Variants in CD96 observed in about 807,000 individuals in gnomAD.
The protein encoded by CD96 is CD96 molecule, also known as T-cell surface protein tactile.
Under a neutral mutation model 71.3 loss-of-function variants are expected in CD96, and 70 were observed. That is an observed-to-expected ratio of 0.98 (90% CI 0.81 to 1.20). The LOEUF (loss-of-function observed/expected upper bound fraction) is 1.20. Among genes scored for constraint, CD96 ranks in the 50% most tolerant of loss-of-function variants. The pLI, the probability that CD96 is intolerant of heterozygous loss-of-function variation, is 0.00. For synonymous variants in CD96, 248 were observed against 233.0 expected (o/e 1.06, Z -0.59); for missense variants, 742 against 677.5 (o/e 1.10, Z -1.06).
At position 111,606,898 on chromosome 3, in the gene CD96, T is replaced by C. The variant is rs1207286221; in HGVS notation, c.1180+106T>C. The stretch of plus-strand genomic sequence containing the variant: ...ATGCCTGTTTCTTAGCTATGACTTT[T>C]TTGGGGCTGAAATTGGGTTTTATTT... On this transcript the variant is annotated intron_variant, in intron 8 of 13. Coordinates refer to ENST00000352690, the MANE Select transcript of CD96 (RefSeq NM_005816.5). 5.2e-6 allele frequency: 4 copies of C among 766,918 alleles called. No individual in the cohort carries two copies. The African/African-American group carries it at 6.9e-5, about 13-fold the overall frequency. 47.5% of individuals were successfully genotyped at this position (766,918 alleles called of 1,614,324 possible).
downstream of CD96, among the ~76,000 whole-genome samples, chr3:111,654,829 T>G (rs1940189923): frequency 6.6e-6 from 1 of 152,222 alleles, no homozygotes; most frequent in South Asian, 2.1e-4. Flanking sequence ...GCTACAGCAT[T>G]ATGCCATTCA....
intron 13 of CD96, among the ~76,000 whole-genome samples, chr3:111,648,779 G>T (rs1222728982): frequency 6.6e-6 from 1 of 152,144 alleles, no homozygotes; most frequent in Non-Finnish European, 1.5e-5. Context: ...CTCCTAAGAT[G>T]CTATGGATTG....
In CD96 at chr3:111,600,725, G is replaced by T; in HGVS notation, c.899-1G>T. 6.2e-7 allele frequency: 1 copy of T among 1,605,980 alleles called. No homozygotes were observed. The highest frequency in any genetic ancestry group is 8.5e-7 in the Non-Finnish European group (1 of 1,172,672). Reference sequence around the variant, plus strand: ...GAACCATGTTCGTATCTGTCTGGCAGGAATATATATTACTAATGAAGAGAG... The same window carrying T: ...GAACCATGTTCGTATCTGTCTGGCATGAATATATATTACTAATGAAGAGAG... On this transcript the variant is annotated splice_acceptor_variant, in intron 6 of 13. Transcript: ENST00000352690. LOFTEE classifies it high-confidence loss of function.
chr3:111,662,076 C>T (rs189839717), intron 14 of CD96, among the ~76,000 whole-genome samples: 23 of 152,364 alleles, frequency 1.5e-4, no homozygotes, highest in South Asian at 6.2e-4. Flanking sequence ...TTACCTTCTA[C>T]GCACCTGCAG....
Position 111,637,279 on chromosome 3 carries a change from AT to A in CD96, c.1387+21del. 7.3e-7 allele frequency: 1 copy of A among 1,374,268 alleles called. No individual in the cohort carries two copies. The highest frequency in any genetic ancestry group is 1.2e-5 in the South Asian group (1 of 86,402). The allele number at this position is 1,374,268 out of a possible 1,614,324, so 85.1% of individuals were successfully genotyped here. ...ACTTCATGGTGAGTACTTGGGGAAG[AT>A]TTAGGGACACTGAAGCTAGTGGTCA... On this transcript the variant is annotated intron_variant, in intron 11 of 13. Transcript: ENST00000352690.
At chr3:111,616,808 C>G (rs1345891630) in intron 8 of CD96, among the ~76,000 whole-genome samples, 1 of 152,088 alleles carries the variant, frequency 6.6e-6, no homozygotes, top group Non-Finnish European at 1.5e-5. Context: ...GAGCCTGCCC[C>G]CTACTGACTT....
chr3:111,556,653 C>T (rs1366773555), intron 2 of CD96, among the ~76,000 whole-genome samples: 5 of 134,420 alleles, frequency 3.7e-5, no homozygotes, highest in East Asian at 4.3e-4. Flanking sequence ...TGAATAATGC[C>T]GCAATAAACA....
At chr3:111,600,508 T>A (rs1937443966) in intron 6 of CD96, among the ~76,000 whole-genome samples, 1 of 152,188 alleles carries the variant, frequency 6.6e-6, no homozygotes, top group African/African-American at 2.4e-5. Flanking sequence ...AGTCAACATA[T>A]TTTATACCCT....
At chr3:111,592,903 T>C (rs1937059764) in intron 5 of CD96, 1 of 152,242 alleles carries the variant, frequency 6.6e-6, no homozygotes, top group African/African-American at 2.4e-5. Context: ...CAGATTATAC[T>C]GATGAAACAA....
chr3:111,572,399 C>T (rs1345355519), intron 3 of CD96, among the ~76,000 whole-genome samples: 2 of 152,192 alleles, frequency 1.3e-5, no homozygotes, highest in Non-Finnish European at 2.9e-5. Flanking sequence ...AAACTGGTGC[C>T]ACTGGCAACA....
intron 8 of CD96, among the ~76,000 whole-genome samples, chr3:111,618,582 CTTTTTT>C (rs35004472): frequency 2.4e-5 from 3 of 123,950 alleles, no homozygotes; most frequent in East Asian, 4.6e-4. Flanking sequence ...TTATTTCTCT[CTTTTTT>C]TTTTTTTTTT....
chr3:111,578,890 C>CT lies in CD96; in HGVS notation c.544-136dup, dbSNP rs1198410195. On this transcript the variant is annotated intron_variant, in intron 3 of 13. Transcript: ENST00000352690. Reference sequence around the variant, plus strand: ...GTATCATACTTTCTCTAGTAATATACTAAATGTCTTCTAATTTCAATCCTT... The same window carrying CT: ...GTATCATACTTTCTCTAGTAATATACTTAAATGTCTTCTAATTTCAATCCTT... 9 of 698,744 alleles carry CT rather than the reference C, an allele frequency of 1.3e-5. No homozygotes were observed. In the East Asian group the frequency reaches 2.2e-4, roughly 17 times the overall value. The allele number at this position is 698,744 out of a possible 1,614,324, so 43.3% of individuals were successfully genotyped here.
intron 8 of CD96, among the ~76,000 whole-genome samples, chr3:111,620,861 A>G (rs893539651): frequency 1.3e-5 from 2 of 152,218 alleles, no homozygotes; most frequent in East Asian, 3.8e-4. Flanking sequence ...TCCCTAAATA[A>G]CATAATAGGT....
chr3:111,593,591 C>A (rs561192127), intron 5 of CD96: 2 of 1,549,794 alleles, frequency 1.3e-6, no homozygotes, highest in Non-Finnish European at 1.7e-6. Flanking sequence ...CTCTTTCTCC[C>A]GCTGGCATGC....
rs535777642 is a variant in CD96 at position 111,611,351 on chromosome 3, G to A, written c.1180+4559G>A. Among the ~76,000 whole-genome samples the A allele has an allele frequency of 3.3e-5, 5 of 152,320 alleles. No individual in the cohort carries two copies. In the South Asian group the frequency reaches 1.0e-3, roughly 32 times the overall value. On this transcript the variant is annotated intron_variant, in intron 8 of 13. Transcript: ENST00000352690. ...GGATGCAACAAAACTACTGATTTAT[G>A]AGTAAGCATGTCAGAAATGGTGGGG...
intron 12 of CD96, among the ~76,000 whole-genome samples, chr3:111,640,241 C>T (rs989713819): frequency 6.6e-6 from 1 of 151,754 alleles, no homozygotes; most frequent in Non-Finnish European, 1.5e-5. Context: ...AAAAATGACA[C>T]AAGAAGTGAA....
downstream of CD96, among the ~76,000 whole-genome samples, chr3:111,652,963 G>A (rs763095552): frequency 1.5e-4 from 22 of 151,632 alleles, no homozygotes; most frequent in Admixed American, 4.0e-4. Context: ...AAAGCCATAT[G>A]TACGCATGTT....
chr3:111,589,541 G>T (rs1936876810), intron 5 of CD96, among the ~76,000 whole-genome samples: 1 of 152,146 alleles, frequency 6.6e-6, no homozygotes, highest in African/African-American at 2.4e-5. Flanking sequence ...TTCAGATCTT[G>T]CCAAACATTA....
At chr3:111,595,397 G>A (rs1468797086) in intron 5 of CD96, 1 of 152,144 alleles carries the variant, frequency 6.6e-6, no homozygotes, top group Non-Finnish European at 1.5e-5. Context: ...CCTACCCCCA[G>A]AAGGAGGGCA....
Sources: allele counts gnomAD v4.1 joint callset (sites outside exome capture counted in the v4.1 genomes callset), GRCh38; gene constraint gnomAD v4.1.1; transcripts MANE v1.5; gene names NCBI Gene and HGNC (gene_info 2026-07-23, HGNC 2026-07-21).